PARP4: variants seen among roughly 807,000 people sequenced by gnomAD.
PARP4 encodes poly(ADP-ribose) polymerase family member 4, also known as protein mono-ADP-ribosyltransferase PARP4.
Under a neutral mutation model 187.7 loss-of-function variants are expected in PARP4, and 120 were observed. That is an observed-to-expected ratio of 0.64 (90% confidence interval 0.55 to 0.74). The LOEUF (loss-of-function observed/expected upper bound fraction) is 0.74. PARP4 is among the 30% of genes least tolerant of loss of function. The pLI, the probability that PARP4 is intolerant of heterozygous loss-of-function variation, is 0.00. For missense variants in PARP4, 1,836 were observed against 2,070.5 expected, an observed-to-expected ratio of 0.89 and a Z score of 2.20; for synonymous variants, 654 against 740.9, an observed-to-expected ratio of 0.88 and a Z score of 1.90.
chr13:24,460,270 A>G, intron 17 of PARP4, 134 bp from the exon 18 acceptor site: 1 of 735,822 alleles, frequency 1.4e-6, no homozygotes, highest in Middle Eastern at 2.4e-4. Flanking sequence ...AATAAAACCT[A>G]AAAGACACAT....
chr13:24,486,298 G>T lies in PARP4; in HGVS notation c.1222C>A (p.Pro408Thr), dbSNP rs1174675519. The change falls in exon 11 of 34, where the codon CCA becomes ACA. Residue 408 changes from proline to threonine, a missense_variant. Physicochemically the swap from Pro to Thr is conservative, Grantham distance 38. This residue lies in a region of PARP4 where 1,147 missense variants were observed against 1,214.2 expected (regional missense o/e 0.94). Transcript: ENST00000381989. ...CTAAATATCTGCAAGACATCCACTG[G>T]GCTCTTACTGTAAGAATTAGAAGAA... ...EVLQNHHSKS[P>T]VDVLQIFRVG... The T allele has an allele frequency of 6.3e-7, 1 of 1,580,106 alleles. No individual in the cohort carries two copies. Among genetic ancestry groups the T allele is most frequent in the Admixed American group, 1.7e-5 (1 of 58,558 alleles).
rs751521975 is a variant in PARP4 at position 24,490,797 on chromosome 13, G to A, written c.1085C>T (p.Thr362Ile). The A allele has an allele frequency of 1.2e-6, 2 of 1,614,054 alleles. No homozygotes were observed. Among genetic ancestry groups the A allele is most frequent in the African/African-American group, 2.7e-5 (2 of 75,022 alleles). Reference protein sequence around the residue: ...LIRDMVNVCETNLSKPNPPSL... With the variant: ...LIRDMVNVCEINLSKPNPPSL... ...TGGTGGGTTGGGTTTGGACAAATTA[G>A]TTTCACAGACATTAACCATGTCTCT... The change falls in exon 10 of 34, where the codon ACT (threonine) becomes ATT (isoleucine). Residue 362 changes from threonine (T) to isoleucine (I), a missense_variant. Around this residue, in one of 8 missense-constraint regions of PARP4, gnomAD observed 1,147 missense variants for 1,214.2 expected, o/e 0.94. Transcript: ENST00000381989.
intron 30 of PARP4, among the ~76,000 whole-genome samples, chr13:24,436,339 G>T (rs1190978618): frequency 3.9e-5 from 6 of 152,216 alleles, no homozygotes; most frequent in African/African-American, 1.4e-4. Context: ...GTCTTGCTCT[G>T]TTGCCTGGGG....
chr13:24,467,662 T>C (rs1466521339), intron 17 of PARP4, among the ~76,000 whole-genome samples: 1 of 152,206 alleles, frequency 6.6e-6, no homozygotes, highest in Non-Finnish European at 1.5e-5. Flanking sequence ...AACATTATAG[T>C]CACAAGATGT....
chr13:24,446,562 C>T lies in PARP4; in HGVS notation c.3366+119G>A, dbSNP rs943118637. The T allele has an allele frequency of 3.6e-4, 245 of 680,552 alleles. 1 individual carries two copies. The highest frequency in any genetic ancestry group is 7.3e-4 in the Middle Eastern group (2 of 2,746). 42.2% of individuals were successfully genotyped at this position (680,552 alleles called of 1,614,324 possible). On this transcript the variant is annotated intron_variant, in intron 27 of 33. Coordinates refer to ENST00000381989, the MANE Select transcript of PARP4 (RefSeq NM_006437.4). The stretch of plus-strand genomic sequence containing the variant: ...AGAAAGTTTACGAATTTGTATTGGG[C>T]TGCATTCAAAGCTGCCCTGGGCCGT...
rs755913409 is a variant in PARP4 at position 24,498,185 on chromosome 13, C to T, written c.522G>A (p.Gln174=). Residue 174 remains glutamine (Q), a synonymous_variant, in exon 6 of 34, where the codon CAG becomes CAA. Coordinates refer to ENST00000381989, the MANE Select transcript of PARP4 (RefSeq NM_006437.4). ...GGQEAVVVEL[Q]CSRDSRDCPF... The stretch of plus-strand genomic sequence containing the variant: ...GACAGTCCCTGGAGTCCCGCGAACA[C>T]TGAAGCTCCACCACCACAGCTTCCT... 12 of 1,613,676 alleles carry T rather than the reference C, an allele frequency of 7.4e-6. No homozygotes were observed. In the South Asian group the frequency reaches 1.2e-4, roughly 16 times the overall value.
At position 24,459,259 on chromosome 13, in the gene PARP4, C is replaced by G. The variant is rs746059498; in HGVS notation, c.2345+5G>C. Reference sequence around the variant, plus strand: ...ATTGACAGGTTTTATATTTTAGGTACTAACCTTTGCTTTGTTCCTATTTCT... The same window carrying G: ...ATTGACAGGTTTTATATTTTAGGTAGTAACCTTTGCTTTGTTCCTATTTCT... On this transcript the variant is annotated splice_donor_5th_base_variant and intron_variant, in intron 19 of 33. Transcript: ENST00000381989. 24 of 1,587,782 alleles carry G rather than the reference C, an allele frequency of 1.5e-5. No homozygotes were observed. The highest frequency in any genetic ancestry group is 2.1e-5 in the Non-Finnish European group (24 of 1,164,172).
chr13:24,504,304 GTTC>G (rs1323080496), intron 1 of PARP4, among the ~76,000 whole-genome samples: 49 of 107,874 alleles, frequency 4.5e-4, no homozygotes, highest in Non-Finnish European at 7.7e-4. Context: ...CTGCATTTAG[GTTC>G]TTTTTTTTTT....
In PARP4 at chr13:24,490,762, T is replaced by C; in HGVS notation, c.1120A>G (p.Lys374Glu). 2 of 1,614,124 alleles carry C rather than the reference T, an allele frequency of 1.2e-6. No homozygotes were observed. Among genetic ancestry groups the C allele is most frequent in the Non-Finnish European group, 1.7e-6 (2 of 1,179,944 alleles). Residue 374 changes from lysine to glutamate, a missense_variant, in exon 10 of 34, where the codon AAA (lysine) becomes GAA (glutamate). This residue lies in a region of PARP4 where 1,147 missense variants were observed against 1,214.2 expected (regional missense o/e 0.94). Transcript: ENST00000381989. ...ATTTTGCACCTCAAAGCTCGGTATT[T>C]GGCCAGGGATGGTGGGTTGGGTTTG... is the stretch of plus-strand genomic sequence containing the variant. ...LSKPNPPSLA[K>E]YRALRCKIEH...
chr13:24,510,517 G>T (rs1055876278), intron 1 of PARP4, among the ~76,000 whole-genome samples: 7 of 132,382 alleles, frequency 5.3e-5, no homozygotes, highest in Non-Finnish European at 1.1e-4. Flanking sequence ...TCCCGCCACT[G>T]CACTCCAGCC....
rs762560007 is a variant in PARP4 at position 24,477,754 on chromosome 13, T to C, written c.1736A>G (p.His579Arg). 2 of 1,592,040 alleles carry C rather than the reference T, an allele frequency of 1.3e-6. No homozygotes were observed. Among genetic ancestry groups the C allele is most frequent in the East Asian group, 2.2e-5 (1 of 44,544 alleles). ...DQIKDFHPSDHTELEEYRPEF... is the reference protein window; with the variant it reads ...DQIKDFHPSDRTELEEYRPEF... Reference sequence around the variant, plus strand: ...AGGTCTGTATTCCTCTAATTCAGTATGATCACTAGGATGAAAGTCCTTTAT... The same window carrying C: ...AGGTCTGTATTCCTCTAATTCAGTACGATCACTAGGATGAAAGTCCTTTAT... Residue 579 changes from histidine (H) to arginine (R), a missense_variant, in exon 14 of 34, where the codon CAT (histidine) becomes CGT (arginine). By Grantham distance (29) the His-to-Arg change is conservative. Around this residue, in one of 8 missense-constraint regions of PARP4, gnomAD observed 1,147 missense variants for 1,214.2 expected, o/e 0.94. Transcript: ENST00000381989.
intron 15 of PARP4, among the ~76,000 whole-genome samples, chr13:24,474,660 G>C (rs1270418881): frequency 6.6e-6 from 1 of 152,018 alleles, no homozygotes; most frequent in Non-Finnish European, 1.5e-5. Flanking sequence ...AGTCCCACAG[G>C]CTTCCTGAAA....
chr13:24,465,430 C>T lies in PARP4; in HGVS notation c.2133+3594G>A, dbSNP rs1037936300. Among the ~76,000 whole-genome samples, 2 of 122,152 alleles carry T rather than the reference C, an allele frequency of 1.6e-5. 1 individual carries two copies. Among genetic ancestry groups the T allele is most frequent in the Non-Finnish European group, 3.7e-5 (2 of 54,736 alleles). 80.1% of individuals were successfully genotyped at this position (122,152 alleles called of 152,430 possible). A position where few individuals can be genotyped will look rare whatever the true frequency, so the allele number is the denominator to read the frequency against. ...TAGACTGGATAAAGAAAATGTGGTA[C>T]ATATGTACCATGGAATACCATGCAG... On this transcript the variant is annotated intron_variant, in intron 17 of 33. Transcript: ENST00000381989.
At chr13:24,481,271 G>A (rs1026793556) in intron 12 of PARP4, among the ~76,000 whole-genome samples, 16 of 152,340 alleles carry the variant, frequency 1.1e-4, no homozygotes, top group East Asian at 3.9e-4. Context: ...CTGGCAAAGC[G>A]CCTAGCCATC....
At chr13:24,474,298 C>T (rs1872870558) in intron 15 of PARP4, among the ~76,000 whole-genome samples, 2 of 150,186 alleles carry the variant, frequency 1.3e-5, no homozygotes, top group Admixed American at 1.3e-4. Flanking sequence ...ATCACCAGGT[C>T]CCTTAACTGA....
In PARP4 at chr13:24,486,445, T is replaced by C. The variant is rs957242400; in HGVS notation, c.1215-140A>G. The stretch of plus-strand genomic sequence containing the variant: ...CAATGAGTCACAGCACAGCATATCT[T>C]GGAAGTATTATGTAGGTATTAAAAT... On this transcript the variant is annotated intron_variant, in intron 10 of 33. Transcript: ENST00000381989. The C allele has an allele frequency of 1.1e-5, 7 of 615,374 alleles. No homozygotes were observed. In the African/African-American group the frequency reaches 1.3e-4, roughly 11 times the overall value. 38.1% of individuals were successfully genotyped at this position (615,374 alleles called of 1,614,324 possible).
chr13:24,455,021 G>C lies in PARP4; in HGVS notation c.2754C>G (p.Gly918=), dbSNP rs773342092. Residue 918 remains glycine, a synonymous_variant, in exon 22 of 34, where the codon GGC becomes GGG. Coordinates refer to ENST00000381989, the MANE Select transcript of PARP4 (RefSeq NM_006437.4). ...CCAGGGCCAAAGCGCACTCACCTGTGCCGAACTGGATAATATTTACTTTCT... is the reference window on the plus strand; with the variant it reads ...CCAGGGCCAAAGCGCACTCACCTGTCCCGAACTGGATAATATTTACTTTCT... The part of the protein sequence containing the change: ...EKQKVNIIQF[G]TGYKELFSYP... 20 of 1,595,056 alleles carry C rather than the reference G, an allele frequency of 1.3e-5. No individual in the cohort carries two copies. The Admixed American group carries it at 3.4e-4, about 27-fold the overall frequency.
chr13:24,498,761 A>G (rs914479322), intron 5 of PARP4, among the ~76,000 whole-genome samples: 1 of 151,990 alleles, frequency 6.6e-6, no homozygotes, highest in African/African-American at 2.4e-5. Context: ...GAAAAAAAAA[A>G]AGGATTTTGT....
In PARP4 at chr13:24,460,083, T is replaced by A; in HGVS notation, c.2187A>T (p.Ile729=). Residue 729 remains isoleucine (I), a synonymous_variant, in exon 18 of 34, where the codon ATA becomes ATT. Transcript: ENST00000381989. ...TGAGTTCTGTGATGTAGGTAATTTT[T>A]ATAAGAACCTTAGCCTTAGGGGGTA... ...GNLPPKAKVL[I]KITYITELSI... is the part of the protein sequence containing the mutation. 6.2e-7 allele frequency: 1 copy of A among 1,614,112 alleles called. No individual in the cohort carries two copies. Among genetic ancestry groups the A allele is most frequent in the Non-Finnish European group, 8.5e-7 (1 of 1,179,966 alleles).
Sources: gnomAD v4.1 joint callset for allele counts (sites outside exome capture counted in the v4.1 genomes callset) on GRCh38, gnomAD v4.1.1 for gene constraint, gnomAD v4.1.1 regional missense constraint, MANE v1.5 for transcripts, NCBI Gene and HGNC (gene_info 2026-07-23, HGNC 2026-07-21) for gene names.